The following SORCS2 variants were observed in gnomAD, a reference collection of about 807,000 sequenced individuals.
The protein encoded by SORCS2 is sortilin related VPS10 domain containing receptor 2, also known as VPS10 domain-containing receptor SorCS2.
In SORCS2, 100 loss-of-function variants were observed where a neutral mutation model predicts 141.6. The ratio of observed to expected loss-of-function variants is 0.71; its 90% CI spans 0.60 to 0.83. The LOEUF (loss-of-function observed/expected upper bound fraction) is 0.83, where lower values mean the gene tolerates loss of function less well. Among genes scored for constraint, SORCS2 ranks in the 40% least tolerant of loss-of-function variants. SORCS2 has a pLI of 0.00. For missense variants in SORCS2, 1,646 were observed against 1,560.2 expected, an observed-to-expected ratio of 1.05 and a Z score of -0.93; for synonymous variants, 789 against 676.9, an observed-to-expected ratio of 1.17 and a Z score of -2.57.
At chr4:7,678,088 G>T (rs1258871172) in intron 9 of SORCS2, among the ~76,000 whole-genome samples, 1 of 152,158 alleles carries the variant, frequency 6.6e-6, no homozygotes, top group Non-Finnish European at 1.5e-5. Context: ...GGTACAACAC[G>T]CACCATTCAC....
chr4:7,331,726 C>T (rs1262259348), intron 1 of SORCS2, among the ~76,000 whole-genome samples: 1 of 152,180 alleles, frequency 6.6e-6, no homozygotes, highest in Non-Finnish European at 1.5e-5. Context: ...TTCTAACGAG[C>T]CCCCAGGTGG....
intron 2 of SORCS2, among the ~76,000 whole-genome samples, chr4:7,428,538 G>A (rs1283980687): frequency 6.6e-6 from 1 of 152,216 alleles, no homozygotes; most frequent in Non-Finnish European, 1.5e-5. Flanking sequence ...TAAGACAAGT[G>A]TGGAGTGGTG....
rs1722322941 is a variant in SORCS2, at chr4:7,663,678, C to T, written c.953-675C>T. 2.0e-5 allele frequency among the ~76,000 whole-genome samples: 3 copies of T among 152,162 alleles called. No individual in the cohort carries two copies. Among genetic ancestry groups the T allele is most frequent in the African/African-American group, 7.2e-5 (3 of 41,428 alleles). On this transcript the variant is annotated intron_variant, in intron 6 of 26. Coordinates refer to ENST00000507866, the MANE Select transcript of SORCS2 (RefSeq NM_020777.3). This position sits in a 1 kb window ranked among gnomAD's most constrained non-coding sequence, Gnocchi z 4.8. ...CTAAACGTCTTCCCTTAACCATTCT[C>T]CATGCTGCCGGGTCACCCAAGGCTG...
intron 4 of SORCS2, 135 bp from the exon 5 acceptor site, chr4:7,653,999 A>C: frequency 1.2e-6 from 1 of 816,380 alleles, no homozygotes; most frequent in East Asian, 2.7e-5. Flanking sequence ...GCATGAGCAC[A>C]GCGCCTCCGC....
At chr4:7,558,870 G>A (rs940850134) in intron 3 of SORCS2, among the ~76,000 whole-genome samples, 1 of 152,208 alleles carries the variant, frequency 6.6e-6, no homozygotes. Context: ...CCGGCCCATA[G>A]AGCTGTGGCT....
At chr4:7,513,678 C>T (rs1732799414) in intron 2 of SORCS2, among the ~76,000 whole-genome samples, 1 of 152,212 alleles carries the variant, frequency 6.6e-6, no homozygotes, top group Non-Finnish European at 1.5e-5. Context: ...CTGCCTCCCA[C>T]CTGCCCCAGA....
intron 10 of SORCS2, among the ~76,000 whole-genome samples, chr4:7,685,657 C>T (rs1034874648): frequency 2.0e-5 from 3 of 149,734 alleles, no homozygotes; most frequent in Non-Finnish European, 1.5e-5. Context: ...GGTGACAGAG[C>T]GAGATTCCAC....
intron 5 of SORCS2, among the ~76,000 whole-genome samples, chr4:7,657,290 T>C (rs1240194180): frequency 6.6e-6 from 1 of 152,196 alleles, no homozygotes. Context: ...CAGTGAGTGA[T>C]GAGTTAGGTA....
At chr4:7,527,807 A>G (rs1733789762) in intron 2 of SORCS2, among the ~76,000 whole-genome samples, 1 of 152,108 alleles carries the variant, frequency 6.6e-6, no homozygotes, top group Non-Finnish European at 1.5e-5. Context: ...GACTAAGGTG[A>G]GCAGGGAGAT....
At chr4:7,567,763 T>C (rs1715125060) in intron 3 of SORCS2, among the ~76,000 whole-genome samples, 1 of 152,234 alleles carries the variant, frequency 6.6e-6, no homozygotes, top group Non-Finnish European at 1.5e-5. Context: ...GCATAAATTA[T>C]TTGGAATTCC....
At chr4:7,614,880 C>G in intron 3 of SORCS2, among the ~76,000 whole-genome samples, 1 of 151,964 alleles carries the variant, frequency 6.6e-6, no homozygotes, top group Non-Finnish European at 1.5e-5. Context: ...ACTCATCCAC[C>G]CATCTGCCAT....
intron 1 of SORCS2, among the ~76,000 whole-genome samples, chr4:7,305,830 C>T (rs1451331583): frequency 6.6e-6 from 1 of 152,190 alleles, no homozygotes; most frequent in African/African-American, 2.4e-5. Context: ...AGAGCACAGT[C>T]CCCTCCCCGA....
rs573628051 is a variant in SORCS2 at position 7,265,777 on chromosome 4, G to A, written c.480+72651G>A. Among the ~76,000 whole-genome samples, 44 of 152,300 alleles carry A rather than the reference G, an allele frequency of 2.9e-4. No homozygotes were observed. In the South Asian group the frequency reaches 6.0e-3, roughly 21 times the overall value. ...AGACCCCTTTTCCAAATGAGGCCACGTTCGCAGGGGCAGGTATCAGGACAC... is the reference window on the plus strand; with the variant it reads ...AGACCCCTTTTCCAAATGAGGCCACATTCGCAGGGGCAGGTATCAGGACAC... On this transcript the variant is annotated intron_variant, in intron 1 of 26. Coordinates refer to ENST00000507866, the MANE Select transcript of SORCS2 (RefSeq NM_020777.3).
In SORCS2 at chr4:7,654,010, G is replaced by A. The variant is rs141227459; in HGVS notation, c.814-124G>A. On this transcript the variant is annotated intron_variant, in intron 4 of 26. Coordinates refer to ENST00000507866, the MANE Select transcript of SORCS2 (RefSeq NM_020777.3). ...CCCAGCATGAGCACAGCGCCTCCGCGTGTCCGCTGGACAAGGATGACTTCT... is the reference window on the plus strand; with the variant it reads ...CCCAGCATGAGCACAGCGCCTCCGCATGTCCGCTGGACAAGGATGACTTCT... The A allele has an allele frequency of 5.1e-5, 46 of 909,042 alleles. No homozygotes were observed. In the East Asian group the frequency reaches 5.1e-4, roughly 10 times the overall value. 56.3% of individuals were successfully genotyped at this position (909,042 alleles called of 1,614,324 possible).
At chr4:7,400,865 G>A (rs1022604735) in intron 2 of SORCS2, among the ~76,000 whole-genome samples, 1 of 151,792 alleles carries the variant, frequency 6.6e-6, no homozygotes, top group African/African-American at 2.4e-5. Context: ...ATGGATGGAT[G>A]AATGGAAGAA....
intron 1 of SORCS2, among the ~76,000 whole-genome samples, chr4:7,194,944 A>T (rs1284756913): frequency 6.6e-6 from 1 of 151,858 alleles, no homozygotes; most frequent in Non-Finnish European, 1.5e-5. Context: ...GAGGAGCCCC[A>T]TGTGAGGGGA....
At chr4:7,535,995 C>CG in intron 3 of SORCS2, among the ~76,000 whole-genome samples, 1 of 152,346 alleles carries the variant, frequency 6.6e-6, no homozygotes, top group Non-Finnish European at 1.5e-5. Flanking sequence ...CATATGTTTC[C>CG]CTGTGATGCT....
At chr4:7,499,557 GAA>G (rs1731834046) in intron 2 of SORCS2, among the ~76,000 whole-genome samples, 1 of 152,086 alleles carries the variant, frequency 6.6e-6, no homozygotes, top group South Asian at 2.1e-4. Flanking sequence ...GTGGTACCTG[GAA>G]CTCGACACTG....
intron 3 of SORCS2, among the ~76,000 whole-genome samples, chr4:7,543,687 C>T (rs201290802): frequency 4.9e-4 from 24 of 48,944 alleles, no homozygotes; most frequent in East Asian, 4.7e-3. Context: ...CACCCATCCA[C>T]CCATCCACCC....
Sources: gnomAD v4.1 joint callset for allele counts (sites outside exome capture counted in the v4.1 genomes callset) on GRCh38, gnomAD v4.1.1 for gene constraint, Gnocchi (gnomAD v3.1) non-coding constraint, MANE v1.5 for transcripts, NCBI Gene and HGNC (gene_info 2026-07-23, HGNC 2026-07-21) for gene names.